ZNF704: variants seen among roughly 807,000 people sequenced by gnomAD.
ZNF704 encodes the protein zinc finger protein 704, also known as glucocorticoid induced gene 1.
A neutral mutation model predicts 44.7 loss-of-function variants in ZNF704; 10 were observed. That is an observed-to-expected ratio of 0.22 (90% CI 0.14 to 0.38). The LOEUF (loss-of-function observed/expected upper bound fraction) is 0.38, where lower values mean the gene tolerates loss of function less well. Among genes scored for constraint, ZNF704 ranks in the 10% least tolerant of loss-of-function variants. The pLI is 1.00. For missense variants in ZNF704, 390 were observed against 545.5 expected (o/e 0.71, Z 2.84); for synonymous variants, 211 against 207.6 (o/e 1.02, Z -0.14).
chr8:80,769,755 C>A (rs1239854876), intron 2 of ZNF704, among the ~76,000 whole-genome samples: 2 of 152,162 alleles, frequency 1.3e-5, no homozygotes, highest in African/African-American at 4.8e-5. Flanking sequence ...TTCTTCCAAG[C>A]CTTCCAAACT....
intron 2 of ZNF704, among the ~76,000 whole-genome samples, chr8:80,723,527 A>G (rs1806413335): frequency 6.6e-6 from 1 of 152,240 alleles, no homozygotes; most frequent in Non-Finnish European, 1.5e-5. Context: ...AACAAAAAGA[A>G]ACAAGTAAAA....
intron 2 of ZNF704, among the ~76,000 whole-genome samples, chr8:80,720,710 A>G (rs1253774518): frequency 6.6e-6 from 1 of 152,240 alleles, no homozygotes; most frequent in Non-Finnish European, 1.5e-5. Flanking sequence ...AGGAAATACC[A>G]CAAAGAACTG....
rs1198977432 is a variant in ZNF704 at position 80,629,049 on chromosome 8, T to C, written c.*12317A>G. The C allele has an allele frequency of 6.8e-6, 1 of 147,544 alleles. No individual in the cohort carries two copies. The highest frequency in any genetic ancestry group is 1.5e-5 in the Non-Finnish European group (1 of 67,952). The allele number at this position is 147,544 out of a possible 1,614,324, so 9.1% of individuals were successfully genotyped here. On this transcript the variant is annotated 3_prime_UTR_variant, in exon 9 of 9. Transcript: ENST00000327835. Reference sequence around the variant, plus strand: ...TGGTGTTAAATATTTAGGAAACATTTTTTTTTTTAAAAAACGAACACACAA... The same window carrying C: ...TGGTGTTAAATATTTAGGAAACATTCTTTTTTTTAAAAAACGAACACACAA...
At chr8:80,787,953 T>G (rs1807642692) in intron 2 of ZNF704, among the ~76,000 whole-genome samples, 1 of 152,220 alleles carries the variant, frequency 6.6e-6, no homozygotes, top group African/African-American at 2.4e-5. Flanking sequence ...TTTGCCATAT[T>G]GTAGCCATTA....
intron 2 of ZNF704, among the ~76,000 whole-genome samples, chr8:80,738,547 C>A (rs774806154): frequency 1.3e-5 from 2 of 151,304 alleles, no homozygotes; most frequent in Non-Finnish European, 2.9e-5. Context: ...TGGCATTTGA[C>A]ATGAGGTTGG....
chr8:80,801,082 T>G lies in ZNF704; in HGVS notation c.221+20292A>C, dbSNP rs544422507. Among the ~76,000 whole-genome samples, 45 of 152,300 alleles carry G rather than the reference T, an allele frequency of 3.0e-4. 1 individual carries two copies. The South Asian group carries it at 9.1e-3, about 31-fold the overall frequency. ...GACAAAGAAGGGCATTCCATAATGG[T>G]AATGGTAAAGCATTCGGATTCAACA... On this transcript the variant is annotated intron_variant, in intron 2 of 8. Transcript: ENST00000327835.
At chr8:80,884,401 C>T in the ZNF704 span, among the ~76,000 whole-genome samples, 3 of 152,324 alleles carry the variant, frequency 2.0e-5, no homozygotes, top group South Asian at 4.1e-4. Flanking sequence ...CCATTATCCT[C>T]ATGCCCCCAG....
chr8:80,706,891 G>A (rs748004510), intron 2 of ZNF704, among the ~76,000 whole-genome samples: 4 of 152,180 alleles, frequency 2.6e-5, no homozygotes, highest in Non-Finnish European at 5.9e-5. Flanking sequence ...TGTGAAGAGC[G>A]GGACAAACCG....
At chr8:80,800,457 G>A (rs984846098) in intron 2 of ZNF704, among the ~76,000 whole-genome samples, 5 of 152,146 alleles carry the variant, frequency 3.3e-5, no homozygotes, top group Non-Finnish European at 5.9e-5. Flanking sequence ...GACTAACAGT[G>A]GACCTCTCAG....
intron 2 of ZNF704, 36 bp from the exon 3 acceptor site, chr8:80,693,143 T>C (rs374543961): frequency 1.1e-5 from 17 of 1,566,032 alleles, no homozygotes; most frequent in Non-Finnish European, 1.4e-5. Flanking sequence ...GACTGTTCAC[T>C]CTGCATCTGC....
At chr8:80,730,570 T>G (rs1230297733) in intron 2 of ZNF704, among the ~76,000 whole-genome samples, 2 of 138,224 alleles carry the variant, frequency 1.4e-5, no homozygotes, top group East Asian at 4.2e-4. Flanking sequence ...AAAAAAAAAG[T>G]TGTGCATTAG....
At chr8:80,683,394 C>T (rs774081657) in intron 4 of ZNF704, among the ~76,000 whole-genome samples, 8 of 152,190 alleles carry the variant, frequency 5.3e-5, no homozygotes, top group Non-Finnish European at 1.0e-4. Context: ...CGGCAGACAG[C>T]CTGGAGTTCC....
chr8:80,767,428 C>T (rs1807246093), intron 2 of ZNF704, among the ~76,000 whole-genome samples: 1 of 151,788 alleles, frequency 6.6e-6, no homozygotes, highest in African/African-American at 2.4e-5. Context: ...AACCTCTTCA[C>T]TTCTAGACTG....
chr8:80,679,313 C>A (rs1003394686), intron 4 of ZNF704, among the ~76,000 whole-genome samples: 1 of 151,532 alleles, frequency 6.6e-6, no homozygotes, highest in African/African-American at 2.4e-5. Flanking sequence ...CCAGTTGAAA[C>A]AAATCCTTTG....
At chr8:80,687,916 G>T (rs573444426) in intron 3 of ZNF704, among the ~76,000 whole-genome samples, 11 of 152,252 alleles carry the variant, frequency 7.2e-5, no homozygotes, top group Admixed American at 5.9e-4. Flanking sequence ...TTTAAAAAGG[G>T]ATTTCTTAGC....
At chr8:80,681,583 T>C (rs56121344) in intron 4 of ZNF704, among the ~76,000 whole-genome samples, 16,463 of 152,142 alleles carry the variant, frequency 0.11, 3,007 homozygotes, top group African/African-American at 0.37. Context: ...ACTCACTAAA[T>C]GGTATACTTA....
chr8:80,704,846 A>G (rs1450263454), intron 2 of ZNF704, among the ~76,000 whole-genome samples: 1 of 152,186 alleles, frequency 6.6e-6, no homozygotes, highest in Non-Finnish European at 1.5e-5. Context: ...ACCAGTAAAT[A>G]TAAGTCAGTT....
chr8:80,831,753 T>C (rs1337490455), intron 1 of ZNF704, among the ~76,000 whole-genome samples: 1 of 152,190 alleles, frequency 6.6e-6, no homozygotes, highest in Non-Finnish European at 1.5e-5. Flanking sequence ...CTCACAGCTA[T>C]AGGATTCCTT....
intron 2 of ZNF704, among the ~76,000 whole-genome samples, chr8:80,730,538 T>TAAAAAAAAAAAA: frequency 1.6e-5 from 1 of 63,960 alleles, no homozygotes; most frequent in African/African-American, 5.1e-5. Context: ...GACTACATCT[T>TAAAAAAAAAAAA]AAAAAAAAAA....
Sources: gnomAD v4.1 joint callset for allele counts (sites outside exome capture counted in the v4.1 genomes callset) on GRCh38, gnomAD v4.1.1 for gene constraint, MANE v1.5 for transcripts, NCBI Gene and HGNC (gene_info 2026-07-23, HGNC 2026-07-21) for gene names.